The following RIMBP2 variants were observed in gnomAD, a reference collection of about 807,000 sequenced individuals.
RIMBP2 encodes the protein RIMS binding protein 2.
A neutral mutation model predicts 118.6 loss-of-function variants in RIMBP2; 48 were observed. That is an observed-to-expected ratio of 0.40 (90% confidence interval 0.32 to 0.51). The LOEUF (loss-of-function observed/expected upper bound fraction) is 0.51. RIMBP2 is among the 20% of genes least tolerant of loss of function. The pLI is 0.41. For missense variants in RIMBP2, 1,551 were observed against 1,768.3 expected (o/e 0.88, Z 2.20); for synonymous variants, 762 against 742.9 (o/e 1.03, Z -0.42).
chr12:130,492,637 G>C (rs1264320284), intron 4 of RIMBP2, among the ~76,000 whole-genome samples: 1 of 152,186 alleles, frequency 6.6e-6, no homozygotes, highest in Non-Finnish European at 1.5e-5. Context: ...CTGTGAGCCC[G>C]GGATTTTGGC....
At chr12:130,488,295 C>G (rs78140744) in intron 4 of RIMBP2, among the ~76,000 whole-genome samples, 1,828 of 147,716 alleles carry the variant, frequency 0.012, 20 homozygotes, top group Non-Finnish European at 0.02. Context: ...GGCTTTGAGA[C>G]TGATGAGGGT....
chr12:130,422,363 T>C lies in RIMBP2; in HGVS notation c.3238+90A>G. On this transcript the variant is annotated intron_variant, in intron 17 of 22. Transcript: ENST00000690449. This position sits in a 1 kb window ranked among gnomAD's most constrained non-coding sequence, Gnocchi z 5.2. ...GTGTTCTTTGCTTAGCGGAAAATGC[T>C]ACTCCTAAAGTTTTGTTCATGCTTA... 1 of 791,240 alleles carries C rather than the reference T, an allele frequency of 1.3e-6. No individual in the cohort carries two copies. Among genetic ancestry groups the C allele is most frequent in the Non-Finnish European group, 2.0e-6 (1 of 489,490 alleles). 49.0% of individuals were successfully genotyped at this position (791,240 alleles called of 1,614,324 possible).
intron 15 of RIMBP2, chr12:130,426,117 G>A (rs4759680): frequency 1 from 152,286 of 152,428 alleles, 76,073 homozygotes; most frequent in Middle Eastern, 1. Context: ...TGAGTGAACC[G>A]GGCCAGCGGG....
chr12:130,399,878 C>T, intron 21 of RIMBP2, 65 bp from the exon 22 acceptor site: 1 of 1,567,990 alleles, frequency 6.4e-7, no homozygotes, highest in East Asian at 2.2e-5. Context: ...CTTGCTTTGG[C>T]TAAAGGAATA....
At chr12:130,609,017 G>A (rs2060348848) in intron 2 of RIMBP2, among the ~76,000 whole-genome samples, 1 of 152,076 alleles carries the variant, frequency 6.6e-6, no homozygotes, top group Non-Finnish European at 1.5e-5. Flanking sequence ...TATGAGTGAG[G>A]TCATTCAGTA....
chr12:130,557,614 C>A (rs982009492), intron 2 of RIMBP2, among the ~76,000 whole-genome samples: 1 of 152,178 alleles, frequency 6.6e-6, no homozygotes, highest in African/African-American at 2.4e-5. Context: ...GAACTCTTGA[C>A]CCAGAGAAAC....
chr12:130,645,667 G>A (rs894676470), intron 1 of RIMBP2, among the ~76,000 whole-genome samples: 4 of 152,208 alleles, frequency 2.6e-5, no homozygotes, highest in African/African-American at 9.6e-5. Flanking sequence ...AGCCCAAAGA[G>A]CAGAGAGAAG....
At chr12:130,627,514 C>G (rs2061716542) in intron 2 of RIMBP2, among the ~76,000 whole-genome samples, 1 of 152,172 alleles carries the variant, frequency 6.6e-6, no homozygotes, top group African/African-American at 2.4e-5. Flanking sequence ...TGAACCTGAC[C>G]ATCGAACTGT....
chr12:130,534,457 GA>G (rs796329170), intron 2 of RIMBP2, among the ~76,000 whole-genome samples: 86 of 147,316 alleles, frequency 5.8e-4, no homozygotes, highest in African/African-American at 1.6e-3. Context: ...AGTAAAACAA[GA>G]AAAAAAAAAA....
chr12:130,415,968 C>G (rs1405639857), intron 17 of RIMBP2, among the ~76,000 whole-genome samples: 1 of 151,970 alleles, frequency 6.6e-6, no homozygotes, highest in Non-Finnish European at 1.5e-5. Flanking sequence ...GCCACACACA[C>G]ACACACACAC....
intron 4 of RIMBP2, among the ~76,000 whole-genome samples, chr12:130,500,713 C>T (rs958028545): frequency 1.3e-5 from 2 of 152,192 alleles, no homozygotes; most frequent in African/African-American, 4.8e-5. Flanking sequence ...CCCGTTAACA[C>T]AGGACGGGCA....
At chr12:130,573,391 C>CGT (rs1231417813) in intron 2 of RIMBP2, among the ~76,000 whole-genome samples, 3 of 100,814 alleles carry the variant, frequency 3.0e-5, no homozygotes, top group East Asian at 2.5e-4. Flanking sequence ...TAAGTGTTCG[C>CGT]GCGTGTGTGT....
intron 22 of RIMBP2, chr12:130,398,055 A>G (rs546828978): frequency 6.5e-6 from 1 of 152,714 alleles, no homozygotes; most frequent in East Asian, 1.9e-4. Flanking sequence ...AAAAAAAAAA[A>G]CTAAAATGAA....
At chr12:130,502,877 T>C (rs1325943240) in intron 4 of RIMBP2, among the ~76,000 whole-genome samples, 2 of 152,076 alleles carry the variant, frequency 1.3e-5, no homozygotes, top group African/African-American at 4.8e-5. Flanking sequence ...TCTCACTATA[T>C]AGATCCCTGT....
At chr12:130,700,463 A>G (rs1349845850) in intron 1 of RIMBP2, among the ~76,000 whole-genome samples, 1 of 152,140 alleles carries the variant, frequency 6.6e-6, no homozygotes, top group Non-Finnish European at 1.5e-5. Flanking sequence ...TTAAGGTAGG[A>G]ATTCAGATGG....
intron 1 of RIMBP2, among the ~76,000 whole-genome samples, chr12:130,628,901 G>A (rs889461361): frequency 3.3e-5 from 5 of 152,126 alleles, no homozygotes; most frequent in Admixed American, 6.5e-5. Context: ...ATGCCCAGCC[G>A]ATGACAGAAA....
rs535513132 is a variant in RIMBP2, at chr12:130,558,202, T to A, written c.-216-40285A>T. Among the ~76,000 whole-genome samples, 471 of 152,274 alleles carry A rather than the reference T, an allele frequency of 3.1e-3. 3 individuals carry two copies. The highest frequency in any genetic ancestry group is 5.3e-3 in the Non-Finnish European group (360 of 68,026). On this transcript the variant is annotated intron_variant, in intron 2 of 22. Coordinates refer to ENST00000690449, the MANE Select transcript of RIMBP2 (RefSeq NM_001393629.1). Reference sequence around the variant, plus strand: ...TTTTCCTGGGGTCATTCTTGCCGGTTTTTTTAGCTGACAGCATCCACTCAA... The same window carrying A: ...TTTTCCTGGGGTCATTCTTGCCGGTATTTTTAGCTGACAGCATCCACTCAA...
At chr12:130,468,616 G>A (rs781624225) in intron 6 of RIMBP2, among the ~76,000 whole-genome samples, 31 of 152,310 alleles carry the variant, frequency 2.0e-4, no homozygotes, top group Middle Eastern at 3.4e-3. Flanking sequence ...AGAGAGGAGC[G>A]CAGGCAGCCT....
chr12:130,464,598 G>T (rs2080293208), intron 6 of RIMBP2, among the ~76,000 whole-genome samples: 1 of 152,192 alleles, frequency 6.6e-6, no homozygotes, highest in Non-Finnish European at 1.5e-5. Context: ...GCCCTGCCTG[G>T]GGGAGTCATG....
Sources: gnomAD v4.1 joint callset for allele counts (sites outside exome capture counted in the v4.1 genomes callset) on GRCh38, gnomAD v4.1.1 for gene constraint, Gnocchi (gnomAD v3.1) non-coding constraint, MANE v1.5 for transcripts, NCBI Gene and HGNC (gene_info 2026-07-23, HGNC 2026-07-21) for gene names.